Variants in RBFOX2 observed in about 807,000 individuals in gnomAD.
The protein encoded by RBFOX2 is RNA binding fox-1 homolog 2.
Under a neutral mutation model 49.1 loss-of-function variants are expected in RBFOX2, and 10 were observed. That is an observed-to-expected ratio of 0.20 (90% CI 0.13 to 0.35). RBFOX2 has a LOEUF of 0.35. Among genes scored for constraint, RBFOX2 ranks in the 10% least tolerant of loss-of-function variants. The probability of loss-of-function intolerance (pLI) is 1.00; values close to 1 mark genes in which losing one functional copy is unlikely to be tolerated. For missense variants in RBFOX2, 323 were observed against 486.9 expected (o/e 0.66, Z 3.17); for synonymous variants, 183 against 187.4 (o/e 0.98, Z 0.19).
At chr22:35,947,903 A>G (rs1306669628) in intron 1 of RBFOX2, among the ~76,000 whole-genome samples, 1 of 152,184 alleles carries the variant, frequency 6.6e-6, no homozygotes, top group East Asian at 1.9e-4. Flanking sequence ...GTAAAAATTT[A>G]GCGTAGCCTA....
chr22:35,839,432 G>A (rs1958311926), intron 1 of RBFOX2, among the ~76,000 whole-genome samples: 1 of 152,064 alleles, frequency 6.6e-6, no homozygotes, highest in Non-Finnish European at 1.5e-5. Context: ...AGGGGGTTGG[G>A]GGAGAGAGTG....
intron 9 of RBFOX2, 62 bp downstream of exon 11, chr22:35,756,043 A>AG: frequency 8.0e-7 from 1 of 1,244,978 alleles, no homozygotes; most frequent in Non-Finnish European, 1.0e-6. Flanking sequence ...CCAAAGAAAC[A>AG]GAAAAAAAAA....
At position 35,971,244 on chromosome 22, in the gene RBFOX2, T is replaced by C. The variant is rs529528974; in HGVS notation, c.187-32347A>G. Among the ~76,000 whole-genome samples the C allele has an allele frequency of 2.0e-5, 3 of 152,290 alleles. No individual in the cohort carries two copies. The East Asian group carries it at 5.8e-4, about 29-fold the overall frequency. On this transcript the variant is annotated intron_variant, in intron 1 of 13. Transcript: ENST00000438146. ...CTACTTCCTTTAAGTTTAAAGTCAC[T>C]GTCACACTCACCCTTTGGCACACAG... is the stretch of plus-strand genomic sequence containing the variant.
chr22:35,826,042 T>C (rs184289033), intron 1 of RBFOX2, among the ~76,000 whole-genome samples: 103 of 136,714 alleles, frequency 7.5e-4, no homozygotes, highest in Middle Eastern at 4.7e-3. Context: ...TTCTTTGCTT[T>C]TGGCAAAAAA....
chr22:35,756,219 C>A, intron 9 of RBFOX2, 75 bp from the exon 11 acceptor site: 1 of 1,371,072 alleles, frequency 7.3e-7, no homozygotes, highest in South Asian at 1.5e-5. Context: ...TTGAGGACGG[C>A]AGCATGCACA....
intron 2 of RBFOX2, among the ~76,000 whole-genome samples, chr22:35,795,648 A>T (rs1948655421): frequency 6.6e-6 from 1 of 151,560 alleles, no homozygotes; most frequent in East Asian, 1.9e-4. Flanking sequence ...AAAAAAAAAA[A>T]AAAAAATCCT....
chr22:35,880,335 G>C (rs568710387), intron 1 of RBFOX2, among the ~76,000 whole-genome samples: 1 of 152,114 alleles, frequency 6.6e-6, no homozygotes, highest in Non-Finnish European at 1.5e-5. Context: ...GAAAACTGTG[G>C]GTTTAGCAAG....
chr22:35,849,298 A>AACACACACACACACACACACAC (rs61515031), intron 1 of RBFOX2, among the ~76,000 whole-genome samples: 10 of 133,234 alleles, frequency 7.5e-5, no homozygotes, highest in Non-Finnish European at 1.5e-4. Flanking sequence ...TACACACACA[A>AACACACACACACACACACACAC]ACACACACAC....
intron 1 of RBFOX2, among the ~76,000 whole-genome samples, chr22:35,854,587 C>G (rs1480063903): frequency 6.6e-6 from 1 of 151,402 alleles, no homozygotes; most frequent in Non-Finnish European, 1.5e-5. Context: ...CAGCAAGACC[C>G]TGTCTCTTGA....
chr22:35,780,680 T>C (rs1206899882), intron 3 of RBFOX2, among the ~76,000 whole-genome samples: 1 of 152,226 alleles, frequency 6.6e-6, no homozygotes, highest in Non-Finnish European at 1.5e-5. Flanking sequence ...TTTTCACAAA[T>C]GTTATTTCAT....
intron 1 of RBFOX2, chr22:35,961,505 A>T (rs1181504322): frequency 1.5e-6 from 2 of 1,300,552 alleles, no homozygotes; most frequent in Non-Finnish European, 2.0e-6. Context: ...CTGAAGCCAC[A>T]ATTCCCCTGC....
chr22:35,847,556 CA>C (rs1203624409), intron 1 of RBFOX2, among the ~76,000 whole-genome samples: 1 of 151,910 alleles, frequency 6.6e-6, no homozygotes, highest in Non-Finnish European at 1.5e-5. Flanking sequence ...AGTAACCAAC[CA>C]TCTACTACTC....
intron 2 of RBFOX2, among the ~76,000 whole-genome samples, chr22:35,799,112 G>A (rs1569159605): frequency 6.6e-6 from 1 of 152,160 alleles, no homozygotes; most frequent in Non-Finnish European, 1.5e-5. Context: ...GAAACAGAGA[G>A]AGAATTATTT....
At chr22:35,919,097 T>C (rs948812981) in intron 1 of RBFOX2, among the ~76,000 whole-genome samples, 2 of 152,224 alleles carry the variant, frequency 1.3e-5, no homozygotes, top group Non-Finnish European at 2.9e-5. Flanking sequence ...GAAAACATTA[T>C]GCTAAGTGAA....
chr22:35,851,064 T>G (rs1377021465), intron 1 of RBFOX2, among the ~76,000 whole-genome samples: 1 of 152,208 alleles, frequency 6.6e-6, no homozygotes, highest in African/African-American at 2.4e-5. Flanking sequence ...ATTTAAGTAT[T>G]ACCATGCCCT....
chr22:35,811,741 A>G (rs1334880055), intron 1 of RBFOX2, among the ~76,000 whole-genome samples: 1 of 152,090 alleles, frequency 6.6e-6, no homozygotes, highest in African/African-American at 2.4e-5. Context: ...AGATGGGAGG[A>G]CTGCCTGCGG....
chr22:35,980,453 T>C (rs2057400948), intron 1 of RBFOX2, among the ~76,000 whole-genome samples: 2 of 152,204 alleles, frequency 1.3e-5, no homozygotes, highest in Non-Finnish European at 2.9e-5. Context: ...GGTTTTCTAA[T>C]GGTTTTCTAC....
chr22:35,902,085 A>T (rs114309608), intron 1 of RBFOX2, among the ~76,000 whole-genome samples: 3,602 of 152,158 alleles, frequency 0.024, 148 homozygotes, highest in African/African-American at 0.082. Context: ...GTCTCAAAAA[A>T]AAAAGAGAAG....
chr22:35,753,522 T>C (rs960380201), intron 9 of RBFOX2, among the ~76,000 whole-genome samples: 2 of 152,116 alleles, frequency 1.3e-5, no homozygotes, highest in African/African-American at 4.8e-5. Context: ...ATAACATTAC[T>C]ATTAATTACT....
Sources: allele counts gnomAD v4.1 joint callset (sites outside exome capture counted in the v4.1 genomes callset), GRCh38; gene constraint gnomAD v4.1.1; transcripts MANE v1.5; gene names NCBI Gene and HGNC (gene_info 2026-07-23, HGNC 2026-07-21).